PTPRG: variants seen among roughly 807,000 people sequenced by gnomAD.
PTPRG encodes the protein receptor-type tyrosine-protein phosphatase gamma.
PTPRG carries 102 observed loss-of-function variants against 165.3 expected under a neutral mutation model. That is an observed-to-expected ratio of 0.62 (90% CI 0.53 to 0.73). PTPRG has a LOEUF of 0.73. PTPRG is among the 30% of genes least tolerant of loss of function. The probability of loss-of-function intolerance (pLI) is 0.00; values close to 1 mark genes in which losing one functional copy is unlikely to be tolerated. For synonymous variants in PTPRG, 675 were observed against 669.5 expected, an observed-to-expected ratio of 1.01 and a Z score of -0.13; for missense variants, 1,866 against 1,861.4, an observed-to-expected ratio of 1.00 and a Z score of -0.05.
intron 2 of PTPRG, among the ~76,000 whole-genome samples, chr3:61,788,300 A>C (rs1559612206): frequency 6.6e-6 from 1 of 152,208 alleles, no homozygotes; most frequent in Non-Finnish European, 1.5e-5. Context: ...CAGAGTACAC[A>C]GGGTTACAGA....
At chr3:62,048,774 T>A (rs958239255) in intron 4 of PTPRG, among the ~76,000 whole-genome samples, 3 of 152,224 alleles carry the variant, frequency 2.0e-5, no homozygotes, top group African/African-American at 4.8e-5. Flanking sequence ...ATAATTGCTG[T>A]GTCATCACAT....
chr3:62,132,815 G>A, intron 6 of PTPRG, 147 bp downstream of exon 6: 1 of 762,540 alleles, frequency 1.3e-6, no homozygotes, highest in South Asian at 1.5e-5. Flanking sequence ...ATTATATGAT[G>A]GGTAAAGAGC....
At chr3:61,802,583 C>A (rs2035282151) in intron 2 of PTPRG, among the ~76,000 whole-genome samples, 1 of 152,230 alleles carries the variant, frequency 6.6e-6, no homozygotes, top group East Asian at 1.9e-4. Flanking sequence ...TGTATGCATT[C>A]TCATTGGAGC....
chr3:61,562,561 G>A (rs1474303633), intron 1 of PTPRG, among the ~76,000 whole-genome samples, 189 bp downstream of exon 1: 1 of 151,980 alleles, frequency 6.6e-6, no homozygotes, highest in East Asian at 2.0e-4. Flanking sequence ...GCAGGCTAGT[G>A]GTCGAGGAAG....
intron 3 of PTPRG, among the ~76,000 whole-genome samples, chr3:62,000,281 C>CA (rs5849454): frequency 0.11 from 11,451 of 102,358 alleles, 874 homozygotes; most frequent in East Asian, 0.24. Flanking sequence ...ACTCTGTCTC[C>CA]AAAAAAAAAA....
intron 15 of PTPRG, among the ~76,000 whole-genome samples, chr3:62,251,499 A>G (rs1286885532): frequency 2.6e-5 from 4 of 152,156 alleles, no homozygotes; most frequent in African/African-American, 9.7e-5. Flanking sequence ...TTAGCCAGGC[A>G]TGGTGGCACG....
chr3:62,203,151 C>T lies in PTPRG; in HGVS notation c.1378-22C>T, dbSNP rs753868605. On this transcript the variant is annotated intron_variant, in intron 11 of 29. Transcript: ENST00000474889. The surrounding 1 kb of genome is among the most constrained non-coding windows in gnomAD (Gnocchi z 6.4). ...TTTCTTCTTCTGCCTCTTTTCCACC[C>T]TTGCCGGGTGACCCTTTCCAGCCCA... is the stretch of plus-strand genomic sequence containing the variant. 1.3e-6 allele frequency: 2 copies of T among 1,550,262 alleles called. No homozygotes were observed. Among genetic ancestry groups the T allele is most frequent in the Non-Finnish European group, 1.7e-6 (2 of 1,146,322 alleles).
intron 2 of PTPRG, among the ~76,000 whole-genome samples, chr3:61,833,396 A>G (rs933238649): frequency 1.3e-5 from 2 of 152,052 alleles, no homozygotes; most frequent in African/African-American, 4.8e-5. Flanking sequence ...AATCTAGTTT[A>G]TTTCAGAATG....
In PTPRG at chr3:62,253,995, A is replaced by G. The variant is rs1299971355; in HGVS notation, c.2468-1129A>G. Reference sequence around the variant, plus strand: ...GCATGATTCAAGTTTGAAAATGTCAATAGATGCAAAAAGCCACCCTAGAGC... The same window carrying G: ...GCATGATTCAAGTTTGAAAATGTCAGTAGATGCAAAAAGCCACCCTAGAGC... On this transcript the variant is annotated intron_variant, in intron 15 of 29. Coordinates refer to ENST00000474889, the MANE Select transcript of PTPRG (RefSeq NM_002841.4). Among the ~76,000 whole-genome samples, 3 of 152,244 alleles carry G rather than the reference A, an allele frequency of 2.0e-5. No individual in the cohort carries two copies. In the East Asian group the frequency reaches 5.8e-4, roughly 29 times the overall value.
chr3:62,275,340 C>A lies in PTPRG; in HGVS notation c.3466-533C>A, dbSNP rs1478216102. Among the ~76,000 whole-genome samples, 3 of 49,358 alleles carry A rather than the reference C, an allele frequency of 6.1e-5. No homozygotes were observed. In the East Asian group the frequency reaches 1.7e-3, roughly 28 times the overall value. The allele number at this position is 49,358 out of a possible 152,430, so 32.4% of individuals were successfully genotyped here. A position where few individuals can be genotyped will look rare whatever the true frequency, so the allele number is the denominator to read the frequency against. On this transcript the variant is annotated intron_variant, in intron 23 of 29. Transcript: ENST00000474889. The stretch of plus-strand genomic sequence containing the variant: ...TTTTTTAATGTAGACTCACGTAGGT[C>A]TTTTATGCCAGTGAGGATCACAGAA...
intron 14 of PTPRG, among the ~76,000 whole-genome samples, chr3:62,243,103 C>T (rs145882020): frequency 1.3e-5 from 2 of 152,152 alleles, no homozygotes; most frequent in East Asian, 1.9e-4. Flanking sequence ...CAGCCAGCAT[C>T]GGAGGCAGAG....
chr3:61,582,486 A>T (rs911638770), intron 1 of PTPRG, among the ~76,000 whole-genome samples: 16 of 152,166 alleles, frequency 1.1e-4, no homozygotes, highest in Admixed American at 7.9e-4. Flanking sequence ...AGATAGAACA[A>T]TTTATCCGAA....
At chr3:61,983,289 C>G (rs1207381226) in intron 2 of PTPRG, among the ~76,000 whole-genome samples, 1 of 152,002 alleles carries the variant, frequency 6.6e-6, no homozygotes, top group South Asian at 2.1e-4. Context: ...TAATTTAAAC[C>G]TGTGTATTCG....
At chr3:61,778,540 T>C (rs2034451984) in intron 2 of PTPRG, among the ~76,000 whole-genome samples, 1 of 152,180 alleles carries the variant, frequency 6.6e-6, no homozygotes, top group South Asian at 2.1e-4. Flanking sequence ...GGGGTTTTTC[T>C]TTTGATTTTG....
At position 62,162,881 on chromosome 3, in the gene PTPRG, C is replaced by T. The variant is rs77404278; in HGVS notation, c.841-5090C>T. On this transcript the variant is annotated intron_variant, in intron 7 of 29. Transcript: ENST00000474889. ...CTCACTTCACCTCTTGGTTCCCGTG[C>T]CTGCATTAGTCCATTTTCACATTGC... Among the ~76,000 whole-genome samples, 1,045 of 152,268 alleles carry T rather than the reference C, an allele frequency of 6.9e-3. 28 individuals are homozygous for T. Among genetic ancestry groups the T allele is most frequent in the East Asian group, 0.067 (348 of 5,176 alleles).
At chr3:62,091,521 G>A (rs1011711266) in intron 5 of PTPRG, among the ~76,000 whole-genome samples, 2 of 152,132 alleles carry the variant, frequency 1.3e-5, no homozygotes, top group African/African-American at 2.4e-5. Flanking sequence ...ACGTAAAAGG[G>A]CCCTATAAGA....
At chr3:61,655,265 T>A (rs1702479855) in intron 1 of PTPRG, among the ~76,000 whole-genome samples, 1 of 152,188 alleles carries the variant, frequency 6.6e-6, no homozygotes. Flanking sequence ...CTCTTCTTTG[T>A]CCTTATTTCA....
chr3:61,945,250 C>A (rs991488123), intron 2 of PTPRG, among the ~76,000 whole-genome samples: 1 of 152,078 alleles, frequency 6.6e-6, no homozygotes. Flanking sequence ...CCTACTGACA[C>A]TGAAAGTCCT....
intron 2 of PTPRG, among the ~76,000 whole-genome samples, chr3:61,791,249 T>G (rs2034858240): frequency 1.3e-5 from 2 of 152,212 alleles, no homozygotes; most frequent in Admixed American, 1.3e-4. Flanking sequence ...AAGTCAGCAT[T>G]TATCTCAGGT....
Sources: allele counts gnomAD v4.1 joint callset (sites outside exome capture counted in the v4.1 genomes callset), GRCh38; gene constraint gnomAD v4.1.1; non-coding constraint Gnocchi (gnomAD v3.1); transcripts MANE v1.5; gene names NCBI Gene and HGNC (gene_info 2026-07-23, HGNC 2026-07-21).